Variants in PKNOX1 observed in about 807,000 individuals in gnomAD.
PKNOX1 encodes PBX/knotted 1 homeobox 1.
Under a neutral mutation model 51.9 loss-of-function variants are expected in PKNOX1, and 15 were observed. That is an observed-to-expected ratio of 0.29 (90% CI 0.19 to 0.45). The LOEUF (loss-of-function observed/expected upper bound fraction) is 0.45, where lower values mean the gene tolerates loss of function less well. Among genes scored for constraint, PKNOX1 ranks in the 20% least tolerant of loss-of-function variants. PKNOX1 has a pLI of 1.00. For missense variants in PKNOX1, 462 were observed against 547.5 expected, an observed-to-expected ratio of 0.84 and a Z score of 1.56; for synonymous variants, 219 against 211.1, an observed-to-expected ratio of 1.04 and a Z score of -0.32.
chr21:43,013,435 A>C (rs1174618487), intron 5 of PKNOX1, among the ~76,000 whole-genome samples, 197 bp downstream of exon 5: 1 of 152,218 alleles, frequency 6.6e-6, no homozygotes, highest in African/African-American at 2.4e-5. Context: ...CAATCTGCAT[A>C]CTGGGCCCCC....
In PKNOX1 at chr21:42,988,531, A is replaced by G. The variant is rs534035556; in HGVS notation, c.-57+13867A>G. 1.6e-4 allele frequency among the ~76,000 whole-genome samples: 24 copies of G among 152,310 alleles called. 1 individual carries two copies. Among genetic ancestry groups the G allele is most frequent in the African/African-American group, 5.8e-4 (24 of 41,564 alleles). ...CTATGTAAAAGTTGAGCCTAAAGAA[A>G]TAGCTCTTAAATCACCATTAGAATT... is the stretch of plus-strand genomic sequence containing the variant. On this transcript the variant is annotated intron_variant, in intron 1 of 10. Coordinates refer to ENST00000291547, the MANE Select transcript of PKNOX1 (RefSeq NM_004571.5).
At chr21:42,979,458 T>C (rs1041646541) in intron 1 of PKNOX1, among the ~76,000 whole-genome samples, 3 of 152,084 alleles carry the variant, frequency 2.0e-5, no homozygotes, top group African/African-American at 4.8e-5. Flanking sequence ...ATGAGGTGCT[T>C]ATAGCCAGGC....
intron 5 of PKNOX1, 116 bp from the exon 6 acceptor site, chr21:43,016,792 C>T (rs1979509317): frequency 8.2e-6 from 5 of 613,166 alleles, no homozygotes; most frequent in Non-Finnish European, 1.4e-5. Context: ...GATGTTCTTT[C>T]CCTCAAGCTT....
rs1980182759 is a variant in PKNOX1, at chr21:43,030,017, G to C, written c.1227G>C (p.Val409=). The change falls in exon 11 of 11, where the codon GTG becomes GTC. Residue 409 remains valine (V), a synonymous_variant. Transcript: ENST00000291547. The part of the protein sequence containing the change: ...MMAGQSEDES[V]DSTEEDAGAL... ...CAGGGCAGAGCGAGGACGAGTCTGT[G>C]GACAGCACAGAGGAGGATGCGGGTG... is the stretch of plus-strand genomic sequence containing the variant. The C allele has an allele frequency of 1.2e-6, 2 of 1,614,046 alleles. No individual in the cohort carries two copies. The highest frequency in any genetic ancestry group is 1.7e-6 in the Non-Finnish European group (2 of 1,180,026).
At position 42,979,696 on chromosome 21, in the gene PKNOX1, C is replaced by T. The variant is rs1213705883; in HGVS notation, c.-57+5032C>T. On this transcript the variant is annotated intron_variant, in intron 1 of 10. Transcript: ENST00000291547. Reference sequence around the variant, plus strand: ...GGCGGAGCTTGCAGTGAGCCGAGATCGCGCCACTGCACTCCAGCCTGGGTG... The same window carrying T: ...GGCGGAGCTTGCAGTGAGCCGAGATTGCGCCACTGCACTCCAGCCTGGGTG... Among the ~76,000 whole-genome samples, 5 of 151,938 alleles carry T rather than the reference C, an allele frequency of 3.3e-5. No individual in the cohort carries two copies. In the East Asian group the frequency reaches 7.7e-4, roughly 24 times the overall value.
chr21:42,983,069 C>G (rs937971006), intron 1 of PKNOX1, among the ~76,000 whole-genome samples: 1 of 151,754 alleles, frequency 6.6e-6, no homozygotes, highest in Non-Finnish European at 1.5e-5. Flanking sequence ...TGTTGCCTTT[C>G]AAAGTTCCAG....
At chr21:43,027,908 T>C (rs1980052244) in intron 9 of PKNOX1, among the ~76,000 whole-genome samples, 2 of 151,924 alleles carry the variant, frequency 1.3e-5, no homozygotes, top group Admixed American at 6.6e-5. Flanking sequence ...AGGGCGAGAC[T>C]CCATCTCAAA....
intron 1 of PKNOX1, among the ~76,000 whole-genome samples, chr21:42,979,205 A>G (rs1485362979): frequency 1.3e-5 from 2 of 152,140 alleles, no homozygotes; most frequent in African/African-American, 4.8e-5. Context: ...CATATGAATC[A>G]CTGTTCCTGA....
intron 1 of PKNOX1, among the ~76,000 whole-genome samples, chr21:42,993,750 T>G: frequency 7.7e-6 from 1 of 130,638 alleles, no homozygotes; most frequent in African/African-American, 2.8e-5. Context: ...TTTTTTTTTT[T>G]GAAACAGAGT....
chr21:42,979,022 C>T (rs1244844089), intron 1 of PKNOX1, among the ~76,000 whole-genome samples: 3 of 152,220 alleles, frequency 2.0e-5, no homozygotes, highest in African/African-American at 7.2e-5. Flanking sequence ...ACCTCAGCCC[C>T]CTGAGTAACT....
intron 2 of PKNOX1, among the ~76,000 whole-genome samples, chr21:43,005,396 C>A (rs1200298128): frequency 6.7e-6 from 1 of 149,780 alleles, no homozygotes; most frequent in African/African-American, 2.5e-5. Context: ...GTTCCTGTGG[C>A]AGAGATTTTT....
rs199845524 is a variant in PKNOX1, at chr21:43,007,627, C to T, written c.179+9C>T. The T allele has an allele frequency of 1.2e-5, 19 of 1,613,948 alleles. No homozygotes were observed. The highest frequency in any genetic ancestry group is 6.7e-5 in the East Asian group (3 of 44,884). ...AAGCAGGCCATTTATAGGTAGTGCC[C>T]GGGGTGCCGGCTGTGGGGGCCTCAG... On this transcript the variant is annotated intron_variant, in intron 3 of 10. Transcript: ENST00000291547.
At chr21:43,007,167 G>T (rs1026230555) in intron 2 of PKNOX1, among the ~76,000 whole-genome samples, 6 of 152,186 alleles carry the variant, frequency 3.9e-5, no homozygotes, top group African/African-American at 1.2e-4. Flanking sequence ...CTGTAGTATT[G>T]CTACACGTGA....
chr21:42,986,461 A>G (rs768053248), intron 1 of PKNOX1, among the ~76,000 whole-genome samples: 2 of 152,172 alleles, frequency 1.3e-5, no homozygotes, highest in Non-Finnish European at 2.9e-5. Context: ...AGATCATGCC[A>G]TTGCACTCCA....
chr21:43,026,187 C>T (rs1209689637), intron 9 of PKNOX1, among the ~76,000 whole-genome samples: 1 of 152,138 alleles, frequency 6.6e-6, no homozygotes, highest in Non-Finnish European at 1.5e-5. Flanking sequence ...TTTCTGCATT[C>T]ATGATTTCCT....
At chr21:43,024,698 C>A in intron 8 of PKNOX1, 173 bp from the exon 9 acceptor site, 1 of 592,744 alleles carries the variant, frequency 1.7e-6, no homozygotes, top group Non-Finnish European at 3.0e-6. Context: ...TAGGACATTC[C>A]TGGGACGAGG....
rs1979187938 is a variant in PKNOX1, at chr21:43,010,180, G to A, written c.307G>A (p.Glu103Lys). 1 of 1,597,030 alleles carries A rather than the reference G, an allele frequency of 6.3e-7. No homozygotes were observed. The highest frequency in any genetic ancestry group is 8.5e-7 in the Non-Finnish European group (1 of 1,169,854). Reference protein sequence around the residue: ...IENFVRKQEKEGKPFFCEDPE... With the variant: ...IENFVRKQEKKGKPFFCEDPE... ...AAATTTTGTAAGAAAGCAAGAGAAG[G>A]AAGGGAAACCTTTCTTTTGTGAAGA... The change falls in exon 4 of 11, where the codon GAA (glutamate) becomes AAA (lysine). Residue 103 changes from glutamate (E) to lysine (K), a missense_variant. By Grantham distance (56) the Glu-to-Lys change is moderately conservative. Transcript: ENST00000291547.
At chr21:42,999,523 C>T (rs764206630) in intron 1 of PKNOX1, among the ~76,000 whole-genome samples, 5 of 152,044 alleles carry the variant, frequency 3.3e-5, no homozygotes, top group Non-Finnish European at 7.4e-5. Context: ...CTCTGTCACC[C>T]AGGCTGGAGT....
chr21:43,029,819 C>A, intron 10 of PKNOX1, 71 bp from the exon 11 acceptor site: 1 of 1,296,422 alleles, frequency 7.7e-7, no homozygotes, highest in South Asian at 1.3e-5. Flanking sequence ...GCAAACAGCA[C>A]CCAATTGAGT....
Sources: gnomAD v4.1 joint callset for allele counts (sites outside exome capture counted in the v4.1 genomes callset) on GRCh38, gnomAD v4.1.1 for gene constraint, MANE v1.5 for transcripts, NCBI Gene and HGNC (gene_info 2026-07-23, HGNC 2026-07-21) for gene names.